THEMIS: variants seen among roughly 807,000 people sequenced by gnomAD.
The protein encoded by THEMIS is protein THEMIS.
Under a neutral mutation model 52.6 loss-of-function variants are expected in THEMIS, and 37 were observed. The ratio of observed to expected loss-of-function variants is 0.70; its 90% CI spans 0.54 to 0.93. The LOEUF (loss-of-function observed/expected upper bound fraction) is 0.93. Among genes scored for constraint, THEMIS ranks in the 40% least tolerant of loss-of-function variants. The pLI is 0.00. For missense variants in THEMIS, 808 were observed against 763.1 expected, an observed-to-expected ratio of 1.06 and a Z score of -0.69; for synonymous variants, 292 against 272.7, an observed-to-expected ratio of 1.07 and a Z score of -0.70.
At chr6:127,878,771 G>T (rs1780390752) in intron 1 of THEMIS, among the ~76,000 whole-genome samples, 1 of 152,090 alleles carries the variant, frequency 6.6e-6, no homozygotes, top group South Asian at 2.1e-4. Flanking sequence ...TGAGCCTGTG[G>T]TTTTCTAAAA....
At chr6:127,810,723 G>A (rs1328941679) in intron 4 of THEMIS, among the ~76,000 whole-genome samples, 2 of 152,046 alleles carry the variant, frequency 1.3e-5, no homozygotes, top group Non-Finnish European at 2.9e-5. Flanking sequence ...CCTCTAGTTG[G>A]AGTAAGCAAT....
chr6:127,811,968 A>T (rs1005638781), intron 4 of THEMIS, among the ~76,000 whole-genome samples: 1 of 152,240 alleles, frequency 6.6e-6, no homozygotes, highest in African/African-American at 2.4e-5. Context: ...AAGTATTTCC[A>T]TATCCATATA....
intron 1 of THEMIS, among the ~76,000 whole-genome samples, chr6:127,897,754 A>C (rs1396143957): frequency 6.6e-6 from 1 of 151,622 alleles, no homozygotes; most frequent in Non-Finnish European, 1.5e-5. Context: ...GAATGTACAC[A>C]CACAATATGA....
chr6:127,882,635 AT>A (rs889464890), intron 1 of THEMIS, among the ~76,000 whole-genome samples: 1 of 151,634 alleles, frequency 6.6e-6, no homozygotes, highest in African/African-American at 2.4e-5. Flanking sequence ...AGTTGAAATT[AT>A]TTTTTTTAAA....
the THEMIS span, among the ~76,000 whole-genome samples, chr6:127,702,481 A>G: frequency 6.6e-6 from 1 of 152,146 alleles, no homozygotes; most frequent in Non-Finnish European, 1.5e-5. Flanking sequence ...AATTAAGTAA[A>G]TATTCTGCCT....
At chr6:127,735,747 G>T (rs1328535332) in intron 4 of THEMIS, among the ~76,000 whole-genome samples, 1 of 152,162 alleles carries the variant, frequency 6.6e-6, no homozygotes, top group African/African-American at 2.4e-5. Context: ...AGAATTAGTG[G>T]ATGATGAATT....
At chr6:127,725,342 T>C (rs1774503263) in intron 4 of THEMIS, among the ~76,000 whole-genome samples, 1 of 151,898 alleles carries the variant, frequency 6.6e-6, no homozygotes, top group African/African-American at 2.4e-5. Context: ...TAAAAGAGAA[T>C]AAAAATCGAA....
At chr6:127,696,963 G>T in the THEMIS span, among the ~76,000 whole-genome samples, 1 of 151,876 alleles carries the variant, frequency 6.6e-6, no homozygotes. Context: ...TATGATTTTG[G>T]ACACGCACAA....
At chr6:127,872,342 C>T (rs1780182523) in intron 1 of THEMIS, among the ~76,000 whole-genome samples, 1 of 152,088 alleles carries the variant, frequency 6.6e-6, no homozygotes, top group African/African-American at 2.4e-5. Flanking sequence ...GAGACCGAAG[C>T]AGGTGGATCA....
At chr6:127,735,322 T>C (rs993417834) in intron 4 of THEMIS, among the ~76,000 whole-genome samples, 2 of 151,858 alleles carry the variant, frequency 1.3e-5, no homozygotes, top group African/African-American at 4.8e-5. Flanking sequence ...TGTGTGCGTG[T>C]GTGTGTGTGT....
At chr6:127,845,694 C>T (rs1009800174) in intron 2 of THEMIS, among the ~76,000 whole-genome samples, 1 of 151,800 alleles carries the variant, frequency 6.6e-6, no homozygotes, top group African/African-American at 2.4e-5. Context: ...TGGGGAAAGG[C>T]TTTTCTCAGA....
At chr6:127,869,295 T>G (rs1385083947) in intron 1 of THEMIS, among the ~76,000 whole-genome samples, 1 of 152,130 alleles carries the variant, frequency 6.6e-6, no homozygotes, top group Non-Finnish European at 1.5e-5. Context: ...TAAACTACCT[T>G]AGACATGCTC....
Position 127,730,255 on chromosome 6 carries a change from C to A in THEMIS, c.1759-10432G>T, listed in dbSNP as rs1176844207. Reference sequence around the variant, plus strand: ...GCAGTCCAGGCCTGGGCAACAGAGACAGACCCTGTATCTATAGGAAATAAA... The same window carrying A: ...GCAGTCCAGGCCTGGGCAACAGAGAAAGACCCTGTATCTATAGGAAATAAA... On this transcript the variant is annotated intron_variant, in intron 4 of 5. Transcript: ENST00000368248. Among the ~76,000 whole-genome samples, 3 of 104,012 alleles carry A rather than the reference C, an allele frequency of 2.9e-5. No homozygotes were observed. In the East Asian group the frequency reaches 6.3e-4, roughly 22 times the overall value. 68.2% of individuals were successfully genotyped at this position (104,012 alleles called of 152,430 possible).
chr6:127,706,981 T>C (rs889684924), downstream of THEMIS, among the ~76,000 whole-genome samples: 4 of 152,128 alleles, frequency 2.6e-5, no homozygotes, highest in African/African-American at 7.2e-5. Flanking sequence ...TGACTCACAG[T>C]TCAGCATGGC....
At chr6:127,733,760 G>A (rs1774890517) in intron 4 of THEMIS, among the ~76,000 whole-genome samples, 1 of 152,048 alleles carries the variant, frequency 6.6e-6, no homozygotes, top group Non-Finnish European at 1.5e-5. Flanking sequence ...TAAGACAGAA[G>A]AACGTTTTGG....
At chr6:127,827,778 T>A (rs1235916504) in intron 3 of THEMIS, among the ~76,000 whole-genome samples, 1 of 152,162 alleles carries the variant, frequency 6.6e-6, no homozygotes, top group Non-Finnish European at 1.5e-5. Flanking sequence ...ACTGTATAAA[T>A]TTCCTGTACC....
At chr6:127,759,309 A>G (rs1032859549) in intron 4 of THEMIS, among the ~76,000 whole-genome samples, 4 of 152,176 alleles carry the variant, frequency 2.6e-5, no homozygotes, top group African/African-American at 9.6e-5. Context: ...CTCAGTCCAT[A>G]TTCACAAATA....
chr6:127,710,035 G>T lies in THEMIS; in HGVS notation c.1895-19C>A, dbSNP rs752515503. The T allele has an allele frequency of 4.6e-6, 7 of 1,519,804 alleles. No individual in the cohort carries two copies. The African/African-American group carries it at 8.5e-5, about 18-fold the overall frequency. The allele number at this position is 1,519,804 out of a possible 1,614,324, so 94.1% of individuals were successfully genotyped here. ...AATGTTTCTATAAATAAAAAAAGAA[G>T]GGTTTATCAGAAATAAGTATTGAAA... is the stretch of plus-strand genomic sequence containing the variant. On this transcript the variant is annotated intron_variant, in intron 5 of 5. Coordinates refer to ENST00000368248, the MANE Select transcript of THEMIS (RefSeq NM_001010923.3).
At chr6:127,750,011 C>A (rs1775581916) in intron 4 of THEMIS, among the ~76,000 whole-genome samples, 1 of 146,492 alleles carries the variant, frequency 6.8e-6, no homozygotes, top group Admixed American at 7.0e-5. Flanking sequence ...GGGGACACTG[C>A]ATCCTAGATC....
Sources: gnomAD v4.1 joint callset for allele counts (sites outside exome capture counted in the v4.1 genomes callset) on GRCh38, gnomAD v4.1.1 for gene constraint, MANE v1.5 for transcripts, NCBI Gene and HGNC (gene_info 2026-07-23, HGNC 2026-07-21) for gene names.